TSHZ2: variants seen among roughly 807,000 people sequenced by gnomAD.
The protein encoded by TSHZ2 is teashirt zinc finger homeobox 2.
TSHZ2 carries 21 observed loss-of-function variants against 74.4 expected under a neutral mutation model. The ratio of observed to expected loss-of-function variants is 0.28; its 90% CI spans 0.20 to 0.41. TSHZ2 has a LOEUF of 0.41. Ranked by LOEUF, TSHZ2 falls within the 10% of genes least tolerant of loss-of-function variation. TSHZ2 has a pLI of 1.00. For missense variants in TSHZ2, 1,244 were observed against 1,293.5 expected (o/e 0.96, Z 0.59); for synonymous variants, 540 against 515.3 (o/e 1.05, Z -0.65).
intron 2 of TSHZ2, among the ~76,000 whole-genome samples, chr20:53,422,639 G>A (rs1240452328): frequency 2.6e-5 from 4 of 152,150 alleles, no homozygotes; most frequent in Non-Finnish European, 5.9e-5. Flanking sequence ...AAACACACCC[G>A]CCGGCCAGGC....
intron 1 of TSHZ2, among the ~76,000 whole-genome samples, chr20:53,210,414 G>T (rs981806377): frequency 6.6e-6 from 1 of 152,158 alleles, no homozygotes; most frequent in Non-Finnish European, 1.5e-5. Flanking sequence ...GCTGGATGAG[G>T]AGTTGGGAGG....
intron 1 of TSHZ2, among the ~76,000 whole-genome samples, chr20:53,174,489 A>G (rs1230643028): frequency 6.6e-6 from 1 of 152,210 alleles, no homozygotes; most frequent in Non-Finnish European, 1.5e-5. Flanking sequence ...AATGGGTCAC[A>G]GATGGACTGG....
chr20:53,073,491 G>A (rs1176495484), intron 1 of TSHZ2, among the ~76,000 whole-genome samples: 1 of 152,086 alleles, frequency 6.6e-6, no homozygotes, highest in Non-Finnish European at 1.5e-5. Flanking sequence ...CATATGGATA[G>A]AGACACATCT....
chr20:53,445,565 A>G (rs1984515609), intron 2 of TSHZ2, among the ~76,000 whole-genome samples: 1 of 152,174 alleles, frequency 6.6e-6, no homozygotes, highest in African/African-American at 2.4e-5. Flanking sequence ...GCCTAATTTA[A>G]CTGACTTTTT....
chr20:53,312,070 G>C (rs2145502846), intron 2 of TSHZ2, among the ~76,000 whole-genome samples: 1 of 152,176 alleles, frequency 6.6e-6, no homozygotes, highest in Middle Eastern at 3.4e-3. Context: ...GACAGAGGGA[G>C]ATCCTGGCTC....
chr20:53,139,256 C>A (rs886420249), intron 1 of TSHZ2, among the ~76,000 whole-genome samples: 6 of 152,224 alleles, frequency 3.9e-5, no homozygotes, highest in Non-Finnish European at 7.3e-5. Context: ...CTATTTTGTT[C>A]ATTGCAGTAT....
chr20:53,034,342 C>A (rs1372203604), intron 1 of TSHZ2, among the ~76,000 whole-genome samples: 1 of 152,116 alleles, frequency 6.6e-6, no homozygotes, highest in African/African-American at 2.4e-5. Context: ...TTATCAATAG[C>A]TTTTATTATA....
chr20:53,295,415 C>T (rs540438181), intron 2 of TSHZ2, among the ~76,000 whole-genome samples: 6 of 141,712 alleles, frequency 4.2e-5, no homozygotes, highest in Middle Eastern at 3.7e-3. Context: ...TTTATGTATA[C>T]GTGTGTGTGT....
intron 1 of TSHZ2, among the ~76,000 whole-genome samples, chr20:53,076,355 CA>C (rs749665159): frequency 2.7e-4 from 41 of 152,172 alleles, no homozygotes; most frequent in Admixed American, 6.5e-5. Flanking sequence ...ATGGAGTCAC[CA>C]AAGTGTGATT....
chr20:53,447,302 T>C (rs1407650004), intron 2 of TSHZ2, among the ~76,000 whole-genome samples: 1 of 152,240 alleles, frequency 6.6e-6, no homozygotes, highest in Admixed American at 6.5e-5. Context: ...AGAAACTGAT[T>C]AGTGGCCTGT....
chr20:53,469,563 A>AGGAG (rs1568931801), intron 2 of TSHZ2, among the ~76,000 whole-genome samples: 1 of 32,684 alleles, frequency 3.1e-5, no homozygotes, highest in Non-Finnish European at 5.9e-5. Context: ...GAGGGAAGGA[A>AGGAG]GGAAGGAAGG....
chr20:53,114,098 GAAAA>G (rs3971634), intron 1 of TSHZ2, among the ~76,000 whole-genome samples: 9,898 of 120,474 alleles, frequency 0.082, 431 homozygotes, highest in Non-Finnish European at 0.12. Flanking sequence ...TGTCTCTTAT[GAAAA>G]AAAAAAAAAG....
intron 2 of TSHZ2, among the ~76,000 whole-genome samples, chr20:53,313,284 C>T (rs914724870): frequency 6.6e-6 from 1 of 152,190 alleles, no homozygotes; most frequent in Non-Finnish European, 1.5e-5. Flanking sequence ...TCAAATCATA[C>T]ATTTATTTTA....
At chr20:53,103,067 A>G (rs1986264110) in intron 1 of TSHZ2, among the ~76,000 whole-genome samples, 1 of 152,210 alleles carries the variant, frequency 6.6e-6, no homozygotes, top group African/African-American at 2.4e-5. Context: ...GCGCACGTGT[A>G]CTGGGTCACA....
At chr20:53,324,235 G>A (rs112762560) in intron 2 of TSHZ2, among the ~76,000 whole-genome samples, 22 of 152,206 alleles carry the variant, frequency 1.4e-4, no homozygotes, top group African/African-American at 2.9e-4. Flanking sequence ...TTTGTGTCTC[G>A]GAATCATCAG....
chr20:53,209,952 T>G (rs1046632330), intron 1 of TSHZ2, among the ~76,000 whole-genome samples: 4 of 152,192 alleles, frequency 2.6e-5, no homozygotes, highest in African/African-American at 9.7e-5. Context: ...TGGCAACCAC[T>G]TGGGGAAAGG....
At chr20:53,291,517 G>A (rs8118464) in intron 2 of TSHZ2, among the ~76,000 whole-genome samples, 4,205 of 150,208 alleles carry the variant, frequency 0.028, 175 homozygotes, top group African/African-American at 0.092. Context: ...TGTGGGTTCA[G>A]TTAGGATTCT....
At chr20:53,125,499 C>T (rs1002180920) in intron 1 of TSHZ2, among the ~76,000 whole-genome samples, 1 of 152,108 alleles carries the variant, frequency 6.6e-6, no homozygotes, top group African/African-American at 2.4e-5. Context: ...TCTGGTTGCT[C>T]GCTGTATTAC....
intron 1 of TSHZ2, among the ~76,000 whole-genome samples, chr20:53,245,365 T>C (rs1392760776): frequency 6.6e-6 from 1 of 152,200 alleles, no homozygotes; most frequent in African/African-American, 2.4e-5. Context: ...CAGCAATTTA[T>C]TTCTCTCTTG....
Sources: gnomAD v4.1 joint callset for allele counts (sites outside exome capture counted in the v4.1 genomes callset) on GRCh38, gnomAD v4.1.1 for gene constraint, MANE v1.5 for transcripts, NCBI Gene and HGNC (gene_info 2026-07-23, HGNC 2026-07-21) for gene names.